CNTNAP2: variants seen among roughly 807,000 people sequenced by gnomAD.
CNTNAP2 encodes contactin associated protein 2.
CNTNAP2 carries 98 observed loss-of-function variants against 155.2 expected under a neutral mutation model. That is an observed-to-expected ratio of 0.63 (90% CI 0.54 to 0.75). The LOEUF is 0.75. CNTNAP2 is among the 30% of genes least tolerant of loss of function. The pLI is 0.00. For synonymous variants in CNTNAP2, 651 were observed against 631.2 expected, an observed-to-expected ratio of 1.03 and a Z score of -0.47; for missense variants, 1,727 against 1,688.1, an observed-to-expected ratio of 1.02 and a Z score of -0.40.
In CNTNAP2 at chr7:148,068,125, G is replaced by A. The variant is rs558663625; in HGVS notation, c.2384-49993G>A. ...CAGGCCCCACCTCTCCCCACCTGCT[G>A]TAGCTTCTTTGCTCATATCTACACT... On this transcript the variant is annotated intron_variant, in intron 15 of 23. Coordinates refer to ENST00000361727, the MANE Select transcript of CNTNAP2 (RefSeq NM_014141.6). Among the ~76,000 whole-genome samples, 10 of 152,218 alleles carry A rather than the reference G, an allele frequency of 6.6e-5. No homozygotes were observed. The South Asian group carries it at 2.1e-3, about 32-fold the overall frequency.
chr7:146,899,362 G>A lies in CNTNAP2; in HGVS notation c.402+59458G>A, dbSNP rs192029524. Among the ~76,000 whole-genome samples, 21 of 152,080 alleles carry A rather than the reference G, an allele frequency of 1.4e-4. No homozygotes were observed. The East Asian group carries it at 2.9e-3, about 21-fold the overall frequency. On this transcript the variant is annotated intron_variant, in intron 3 of 23. Coordinates refer to ENST00000361727, the MANE Select transcript of CNTNAP2 (RefSeq NM_014141.6). ...GTCCTGAAACCAGCATACTCAAATC[G>A]CATTCATTCCTGTCCTCAGCACATT...
rs980462726 is a variant in CNTNAP2, at chr7:147,823,389, C to T, written c.2099-80176C>T. On this transcript the variant is annotated intron_variant, in intron 13 of 23. Transcript: ENST00000361727. ...GCCTTGTTCTTAAATGAGATTTCTA[C>T]GTTGTTTAGTTGTTTACTCCTCTAG... 3.9e-5 allele frequency among the ~76,000 whole-genome samples: 6 copies of T among 152,114 alleles called. No homozygotes were observed. In the East Asian group the frequency reaches 5.8e-4, roughly 15 times the overall value.
At chr7:146,658,101 G>A (rs1209200450) in intron 1 of CNTNAP2, among the ~76,000 whole-genome samples, 1 of 152,126 alleles carries the variant, frequency 6.6e-6, no homozygotes, top group Non-Finnish European at 1.5e-5. Context: ...GTGTAAGGGG[G>A]TAATGAAGTT....
intron 1 of CNTNAP2, among the ~76,000 whole-genome samples, chr7:146,342,734 G>A (rs1460539343): frequency 6.6e-6 from 1 of 152,122 alleles, no homozygotes; most frequent in African/African-American, 2.4e-5. Context: ...GTTCTGGTTT[G>A]GAGCTATATT....
At chr7:146,993,592 C>G (rs1055029804) in intron 3 of CNTNAP2, among the ~76,000 whole-genome samples, 9 of 151,988 alleles carry the variant, frequency 5.9e-5, no homozygotes, top group Non-Finnish European at 1.2e-4. Flanking sequence ...GATGGTGGCC[C>G]GACATTCCTG....
intron 10 of CNTNAP2, among the ~76,000 whole-genome samples, chr7:147,404,801 C>A (rs1397689137): frequency 4.6e-5 from 7 of 152,246 alleles, no homozygotes; most frequent in Non-Finnish European, 8.8e-5. Flanking sequence ...AAAAGTATCA[C>A]ATACCCAGGC....
At chr7:148,415,073 CAGAAAACTA>C (rs1318472615) in intron 23 of CNTNAP2, among the ~76,000 whole-genome samples, 1 of 152,158 alleles carries the variant, frequency 6.6e-6, no homozygotes, top group Non-Finnish European at 1.5e-5. Context: ...CGCTGCCAGC[CAGAAAACTA>C]GGAAAAATGT....
intron 1 of CNTNAP2, among the ~76,000 whole-genome samples, chr7:146,447,333 G>A (rs1796416537): frequency 6.6e-6 from 1 of 152,008 alleles, no homozygotes; most frequent in African/African-American, 2.4e-5. Context: ...CTTATTTGAT[G>A]TTAAAGAAAG....
chr7:147,519,950 G>T (rs1044308301), intron 11 of CNTNAP2, among the ~76,000 whole-genome samples: 3 of 152,148 alleles, frequency 2.0e-5, no homozygotes, highest in African/African-American at 7.2e-5. Flanking sequence ...GACCACCCAC[G>T]AATCATAAAA....
chr7:147,403,618 C>T (rs1563191449), intron 10 of CNTNAP2, among the ~76,000 whole-genome samples: 1 of 152,194 alleles, frequency 6.6e-6, no homozygotes, highest in South Asian at 2.1e-4. Flanking sequence ...TGTCTTAACA[C>T]TTACAATGCC....
chr7:146,535,154 A>AATATATTATATTATATCATATATCAT (rs1797834193), intron 1 of CNTNAP2, among the ~76,000 whole-genome samples: 2 of 2,234 alleles, frequency 9.0e-4, no homozygotes, highest in Non-Finnish European at 1.5e-3. Context: ...TATCATATAT[A>AATATATTATATTATATCATATATCAT]ATATATTATA....
chr7:147,469,056 C>G (rs376671404), intron 10 of CNTNAP2, among the ~76,000 whole-genome samples: 2 of 152,106 alleles, frequency 1.3e-5, no homozygotes, highest in East Asian at 3.9e-4. Flanking sequence ...CTCCCAGGCT[C>G]AAGTGATCCA....
At chr7:147,023,674 G>T (rs553556674) in intron 3 of CNTNAP2, among the ~76,000 whole-genome samples, 1 of 152,066 alleles carries the variant, frequency 6.6e-6, no homozygotes, top group East Asian at 1.9e-4. Flanking sequence ...GCCAGGATCT[G>T]CCACTCTTCA....
chr7:146,371,301 A>G (rs1463311274), intron 1 of CNTNAP2, among the ~76,000 whole-genome samples: 1 of 150,278 alleles, frequency 6.7e-6, no homozygotes, highest in Non-Finnish European at 1.5e-5. Flanking sequence ...CCATGTGTAT[A>G]TTTACATATC....
chr7:146,400,115 C>A (rs1414869967), intron 1 of CNTNAP2, among the ~76,000 whole-genome samples: 1 of 152,096 alleles, frequency 6.6e-6, no homozygotes, highest in African/African-American at 2.4e-5. Context: ...CCCTCCCTCC[C>A]TCCATCCCTG....
chr7:146,424,768 T>G (rs547623291), intron 1 of CNTNAP2, among the ~76,000 whole-genome samples: 37 of 152,280 alleles, frequency 2.4e-4, no homozygotes, highest in African/African-American at 6.3e-4. Flanking sequence ...TGTTTTTGCA[T>G]AGATTTCATC....
At chr7:147,718,518 T>G (rs1796515750) in intron 13 of CNTNAP2, among the ~76,000 whole-genome samples, 1 of 152,132 alleles carries the variant, frequency 6.6e-6, no homozygotes, top group South Asian at 2.1e-4. Flanking sequence ...GTGAACCTCT[T>G]ACAAAACAAA....
At chr7:148,269,612 G>C (rs1356863958) in intron 21 of CNTNAP2, among the ~76,000 whole-genome samples, 2 of 152,228 alleles carry the variant, frequency 1.3e-5, no homozygotes, top group African/African-American at 4.8e-5. Context: ...TGGCAAAGCA[G>C]AGTTTGGAAG....
intron 3 of CNTNAP2, among the ~76,000 whole-genome samples, chr7:146,849,816 G>T (rs933055717): frequency 6.6e-6 from 1 of 152,124 alleles, no homozygotes; most frequent in African/African-American, 2.4e-5. Context: ...TATAAAGAAT[G>T]CAAGTAAGTA....
Sources: gnomAD v4.1 joint callset for allele counts (sites outside exome capture counted in the v4.1 genomes callset) on GRCh38, gnomAD v4.1.1 for gene constraint, MANE v1.5 for transcripts, NCBI Gene and HGNC (gene_info 2026-07-23, HGNC 2026-07-21) for gene names.